The following PCDHGA4 variants were observed in gnomAD, a reference collection of about 807,000 sequenced individuals.
The protein encoded by PCDHGA4 is protocadherin gamma-A4.
Under a neutral mutation model 54.6 loss-of-function variants are expected in PCDHGA4, and 38 were observed. The observed-to-expected ratio is 0.70, with a 90% CI of 0.54 to 0.91. The LOEUF is 0.91. Ranked by LOEUF, PCDHGA4 falls within the 40% of genes least tolerant of loss-of-function variation. The pLI is 0.00. For missense variants in PCDHGA4, 1,298 were observed against 1,220.9 expected (o/e 1.06, Z -0.94); for synonymous variants, 511 against 512.9 (o/e 1.00, Z 0.05).
At chr5:141,473,369 G>T (rs888984972) in intron 1 of PCDHGA4, among the ~76,000 whole-genome samples, 1 of 152,200 alleles carries the variant, frequency 6.6e-6, no homozygotes, top group Non-Finnish European at 1.5e-5. Flanking sequence ...CACCAAAATA[G>T]CATGGTCCCT....
chr5:141,454,860 T>G (rs62379170), intron 1 of PCDHGA4, among the ~76,000 whole-genome samples: 5,850 of 133,200 alleles, frequency 0.044, 153 homozygotes, highest in Middle Eastern at 0.11. Context: ...CAGGCTGGAG[T>G]GCAGTGGCAC....
chr5:141,450,887 C>A (rs531604055), intron 1 of PCDHGA4, among the ~76,000 whole-genome samples: 1 of 148,582 alleles, frequency 6.7e-6, no homozygotes, highest in East Asian at 2.0e-4. Flanking sequence ...TGCAGTGGTG[C>A]GATATCGGCT....
At chr5:141,384,646 G>A (rs1780315410) in intron 1 of PCDHGA4, 2 of 1,614,230 alleles carry the variant, frequency 1.2e-6, no homozygotes, top group Non-Finnish European at 1.7e-6. Flanking sequence ...CCGCTCCGCA[G>A]AGCCCGGCTA....
intron 1 of PCDHGA4, among the ~76,000 whole-genome samples, chr5:141,450,826 A>T (rs965147554): frequency 1.9e-4 from 26 of 134,356 alleles, no homozygotes; most frequent in East Asian, 6.4e-4. Context: ...TATTATTATT[A>T]TTATTTTTTT....
chr5:141,423,969 C>G, intron 1 of PCDHGA4: 1 of 1,147,718 alleles, frequency 8.7e-7, no homozygotes, highest in Non-Finnish European at 1.1e-6. Flanking sequence ...TTTCTATTAT[C>G]AGTGTATGAG....
At chr5:141,418,418 G>C (rs1366605966) in intron 1 of PCDHGA4, 1 of 1,613,998 alleles carries the variant, frequency 6.2e-7, no homozygotes, top group East Asian at 2.2e-5. Flanking sequence ...AGACAATCCT[G>C]ATGGTGGCAA....
At chr5:141,405,907 T>C (rs1471568204) in intron 1 of PCDHGA4, among the ~76,000 whole-genome samples, 2 of 152,218 alleles carry the variant, frequency 1.3e-5, no homozygotes, top group Non-Finnish European at 2.9e-5. Context: ...AGGAGGCATT[T>C]ATTAGTTATA....
chr5:141,460,455 A>AT (rs2098989699), intron 1 of PCDHGA4, among the ~76,000 whole-genome samples: 1 of 152,080 alleles, frequency 6.6e-6, no homozygotes, highest in Non-Finnish European at 1.5e-5. Flanking sequence ...GAAGATTCAT[A>AT]TTTTTTTCCA....
chr5:141,361,940 C>T (rs1561525180), intron 1 of PCDHGA4: 2 of 1,605,414 alleles, frequency 1.2e-6, no homozygotes, highest in Non-Finnish European at 1.7e-6. Context: ...GGACACAACG[C>T]TTGGCTGTCC....
At chr5:141,426,779 T>G in intron 1 of PCDHGA4, 6 of 456,698 alleles carry the variant, frequency 1.3e-5, no homozygotes, top group Non-Finnish European at 1.8e-5. Context: ...GGCCTCACTC[T>G]CTCCAGAGTT....
chr5:141,371,360 G>A (rs1337014125), intron 1 of PCDHGA4: 2 of 1,613,842 alleles, frequency 1.2e-6, no homozygotes, highest in Admixed American at 1.7e-5. Context: ...TGGAAGCAAA[G>A]GATGGTGGAC....
intron 2 of PCDHGA4, among the ~76,000 whole-genome samples, chr5:141,501,159 C>G (rs1475164887): frequency 6.6e-6 from 1 of 152,096 alleles, no homozygotes; most frequent in East Asian, 1.9e-4. Context: ...GAGCCACCAT[C>G]CCCAGCCTCA....
chr5:141,505,618 A>G, intron 3 of PCDHGA4, 137 bp downstream of exon 3: 6 of 1,496,136 alleles, frequency 4.0e-6, no homozygotes, highest in Non-Finnish European at 5.4e-6. Flanking sequence ...GAAAGGACCC[A>G]CAATTCCAAA....
At chr5:141,450,676 G>A (rs1174388119) in intron 1 of PCDHGA4, among the ~76,000 whole-genome samples, 5 of 151,796 alleles carry the variant, frequency 3.3e-5, no homozygotes, top group African/African-American at 7.3e-5. Flanking sequence ...TAGTAGAAAC[G>A]GGGTTTTGCC....
chr5:141,381,817 T>TTTC (rs1262770842), intron 1 of PCDHGA4, among the ~76,000 whole-genome samples: 10 of 136,280 alleles, frequency 7.3e-5, no homozygotes, highest in East Asian at 4.1e-4. Context: ...TCTTTCTTTC[T>TTTC]TTCTTCTTCT....
In PCDHGA4 at chr5:141,415,753, T is replaced by G. The variant is rs763784703; in HGVS notation, c.2514+58132T>G. On this transcript the variant is annotated intron_variant, in intron 1 of 3. Transcript: ENST00000571252. The stretch of plus-strand genomic sequence containing the variant: ...ATGTTTATTAAGGTTTTTTTTTTTT[T>G]TTTTTTTTTTTTTTTTTTTACTTTC... 6.3e-5 allele frequency: 87 copies of G among 1,381,374 alleles called. 1 individual carries two copies. The highest frequency in any genetic ancestry group is 3.3e-4 in the Admixed American group (10 of 29,906). 85.6% of individuals were successfully genotyped at this position (1,381,374 alleles called of 1,614,324 possible).
Position 141,487,501 on chromosome 5 carries a change from T to A in PCDHGA4, c.2515-7306T>A. 1 of 1,614,232 alleles carries A rather than the reference T, an allele frequency of 6.2e-7. No individual in the cohort carries two copies. Among genetic ancestry groups the A allele is most frequent in the Non-Finnish European group, 8.5e-7 (1 of 1,180,036 alleles). On this transcript the variant is annotated intron_variant, in intron 1 of 3. Transcript: ENST00000571252. This position sits in a 1 kb window ranked among gnomAD's most constrained non-coding sequence, Gnocchi z 5.0. ...ACTCTCATGGCTGTACACCCTTGGC[T>A]TCTGCACCCACTCGGAGTGATAGCT...
chr5:141,376,772 C>T lies in PCDHGA4; in HGVS notation c.2514+19151C>T, dbSNP rs911404342. ...CGCAATCTCGGCTCACTGCAAGCTC[C>T]GCTTCCCGGGTTCACGCCATTCTCC... On this transcript the variant is annotated intron_variant, in intron 1 of 3. Transcript: ENST00000571252. The T allele has an allele frequency of 8.2e-5, 34 of 412,628 alleles. 1 individual carries two copies. The highest frequency in any genetic ancestry group is 3.9e-4 in the Admixed American group (9 of 23,202). 25.6% of individuals were successfully genotyped at this position (412,628 alleles called of 1,614,324 possible).
In PCDHGA4 at chr5:141,355,235, G is replaced by C. The variant is rs146402451; in HGVS notation, c.128G>C (p.Arg43Pro). Residue 43 changes from arginine to proline, a missense_variant, in exon 1 of 4, where the codon CGG becomes CCG. By Grantham distance (103) the Arg-to-Pro change is moderately radical. Transcript: ENST00000571252. ...CCTCCTGCTCGCCCAGACCACACCC[G>C]GCTGCTCCAGATCTGCCTTCTCCTG... ...AAPPARPDHT[R>P]LLQICLLLGV... 1,998 of 1,612,170 alleles carry C rather than the reference G, an allele frequency of 1.2e-3. No homozygotes were observed. Among genetic ancestry groups the C allele is most frequent in the Non-Finnish European group, 1.5e-3 (1,818 of 1,179,270 alleles).
Sources: allele counts gnomAD v4.1 joint callset (sites outside exome capture counted in the v4.1 genomes callset), GRCh38; gene constraint gnomAD v4.1.1; non-coding constraint Gnocchi (gnomAD v3.1); transcripts MANE v1.5; gene names NCBI Gene and HGNC (gene_info 2026-07-23, HGNC 2026-07-21).